The following CNGB1 variants were observed in gnomAD, a reference collection of about 807,000 sequenced individuals.
The protein encoded by CNGB1 is cyclic nucleotide-gated channel beta-1.
A neutral mutation model predicts 151.7 loss-of-function variants in CNGB1; 126 were observed. That is an observed-to-expected ratio of 0.83 (90% confidence interval 0.72 to 0.96). The LOEUF (loss-of-function observed/expected upper bound fraction) is 0.96, where lower values mean the gene tolerates loss of function less well. Ranked by LOEUF, CNGB1 falls within the 40% of genes least tolerant of loss-of-function variation. The pLI is 0.00. For missense variants in CNGB1, 1,698 were observed against 1,627.0 expected (o/e 1.04, Z -0.75); for synonymous variants, 623 against 635.1 (o/e 0.98, Z 0.29).
intron 16 of CNGB1, chr16:57,937,398 G>A (rs1334349258): frequency 6.6e-6 from 1 of 152,320 alleles, no homozygotes; most frequent in Non-Finnish European, 1.5e-5. Context: ...GACAATAGGT[G>A]GGGGTCCTCC....
chr16:57,938,945 C>T (rs1461055562), intron 16 of CNGB1, among the ~76,000 whole-genome samples: 2 of 152,196 alleles, frequency 1.3e-5, no homozygotes, highest in Non-Finnish European at 2.9e-5. Context: ...CATAAAGAGA[C>T]ATGGAGTCCA....
At chr16:57,901,763 C>T in intron 27 of CNGB1, 138 bp from the exon 28 acceptor site, 2 of 719,500 alleles carry the variant, frequency 2.8e-6, no homozygotes, top group Non-Finnish European at 2.5e-6. Context: ...ATTTGTAGTG[C>T]ACCCTCTCTC....
intron 23 of CNGB1, among the ~76,000 whole-genome samples, chr16:57,913,902 G>A (rs1401836514): frequency 6.6e-6 from 1 of 152,206 alleles, no homozygotes; most frequent in Non-Finnish European, 1.5e-5. Flanking sequence ...GCACACAGCT[G>A]GTATGTGAGA....
intron 14 of CNGB1, among the ~76,000 whole-genome samples, chr16:57,943,770 A>G (rs1298394026): frequency 6.6e-6 from 1 of 152,244 alleles, no homozygotes; most frequent in East Asian, 1.9e-4. Flanking sequence ...GGAAAAGAAT[A>G]CGGAAGTTCC....
chr16:57,919,807 A>C (rs1196392222), intron 19 of CNGB1, among the ~76,000 whole-genome samples: 1 of 152,140 alleles, frequency 6.6e-6, no homozygotes, highest in Non-Finnish European at 1.5e-5. Context: ...TATAGGTTCA[A>C]TATGGCTATG....
intron 12 of CNGB1, chr16:57,955,488 C>G (rs1396638182): frequency 2.3e-5 from 19 of 819,822 alleles, no homozygotes; most frequent in Non-Finnish European, 3.2e-5. Flanking sequence ...ATCCCCCAGC[C>G]TCTCAGAGTC....
At chr16:57,910,428 G>GACA (rs1960677098) in intron 25 of CNGB1, among the ~76,000 whole-genome samples, 1 of 152,156 alleles carries the variant, frequency 6.6e-6, no homozygotes, top group South Asian at 2.1e-4. Context: ...AGGCTGGAGT[G>GACA]TAATGGTGCA....
At chr16:57,916,094 C>G in intron 22 of CNGB1, 35 bp downstream of exon 22, 1 of 1,612,312 alleles carries the variant, frequency 6.2e-7, no homozygotes, top group Non-Finnish European at 8.5e-7. Flanking sequence ...TTCTGAAACC[C>G]CGCAGACGCT....
At chr16:57,928,647 T>A (rs385883) in intron 17 of CNGB1, among the ~76,000 whole-genome samples, 3 of 152,088 alleles carry the variant, frequency 2.0e-5, no homozygotes, top group Admixed American at 6.5e-5. Flanking sequence ...ATTATCTTTT[T>A]TTTTTCTTCA....
chr16:57,920,211 T>C (rs1567377952), intron 19 of CNGB1, among the ~76,000 whole-genome samples, 176 bp downstream of exon 19: 1 of 152,170 alleles, frequency 6.6e-6, no homozygotes, highest in Non-Finnish European at 1.5e-5. Flanking sequence ...CTTCCCACCC[T>C]TGGGTACATA....
At position 57,964,166 on chromosome 16, in the gene CNGB1, A is replaced by T. The variant is rs1290411898; in HGVS notation, c.254T>A (p.Leu85His). 6.2e-7 allele frequency: 1 copy of T among 1,613,996 alleles called. No homozygotes were observed. The highest frequency in any genetic ancestry group is 1.3e-5 in the African/African-American group (1 of 74,902). ...AGAAATCTCAGCGCCCTGGGCCCGG[A>T]GGGATATGGTGGAAGTAAGGGCAGC... is the stretch of plus-strand genomic sequence containing the variant. Reference protein sequence around the residue: ...KEAALTSTISLRAQGAEISEM... With the variant: ...KEAALTSTISHRAQGAEISEM... The change falls in exon 4 of 33, where the codon CTC (leucine) becomes CAC (histidine). Residue 85 changes from leucine (L) to histidine (H), a missense_variant. Coordinates refer to ENST00000251102, the MANE Select transcript of CNGB1 (RefSeq NM_001297.5).
At chr16:57,890,929 G>A (rs1484402280) in intron 31 of CNGB1, among the ~76,000 whole-genome samples, 1 of 152,204 alleles carries the variant, frequency 6.6e-6, no homozygotes, top group Non-Finnish European at 1.5e-5. Flanking sequence ...GTTGCTGTGA[G>A]GCCTGTTAGC....
intron 12 of CNGB1, among the ~76,000 whole-genome samples, chr16:57,952,019 C>T (rs561156205): frequency 1.3e-5 from 2 of 152,324 alleles, no homozygotes; most frequent in East Asian, 1.9e-4. Context: ...ACCCTGAATC[C>T]GGTGGTGGGA....
intron 23 of CNGB1, among the ~76,000 whole-genome samples, chr16:57,913,597 C>T (rs1439046987): frequency 1.3e-5 from 2 of 152,112 alleles, no homozygotes; most frequent in Non-Finnish European, 2.9e-5. Context: ...TTTTCAGCCT[C>T]AGCCTCCTAA....
chr16:57,926,900 A>C (rs1370506244), intron 17 of CNGB1, among the ~76,000 whole-genome samples: 3 of 152,190 alleles, frequency 2.0e-5, no homozygotes, highest in Non-Finnish European at 4.4e-5. Context: ...GAATCGCTTA[A>C]ATCAGGGAGG....
At chr16:57,920,910 G>A (rs140696716) in intron 18 of CNGB1, among the ~76,000 whole-genome samples, 226 of 152,300 alleles carry the variant, frequency 1.5e-3, no homozygotes, top group Non-Finnish European at 1.1e-3. Context: ...GTTCACATGA[G>A]ATATGTGTCC....
intron 24 of CNGB1, 38 bp from the exon 25 acceptor site, chr16:57,911,913 A>AG: frequency 6.2e-7 from 1 of 1,609,648 alleles, no homozygotes; most frequent in Non-Finnish European, 8.5e-7. Context: ...CAGCGGCGGA[A>AG]GGGGGAGGTG....
chr16:57,969,004 CA>C (rs1051753232), intron 1 of CNGB1, among the ~76,000 whole-genome samples: 3 of 148,700 alleles, frequency 2.0e-5, no homozygotes, highest in African/African-American at 7.5e-5. Flanking sequence ...GATCCTGTCT[CA>C]AAAAAAGAAA....
intron 12 of CNGB1, among the ~76,000 whole-genome samples, chr16:57,952,254 C>A (rs1961966942): frequency 6.6e-6 from 1 of 152,192 alleles, no homozygotes; most frequent in African/African-American, 2.4e-5. Context: ...GTGTCTTGTC[C>A]CAGGCCACAC....
Sources: gnomAD v4.1 joint callset for allele counts (sites outside exome capture counted in the v4.1 genomes callset) on GRCh38, gnomAD v4.1.1 for gene constraint, MANE v1.5 for transcripts, NCBI Gene and HGNC (gene_info 2026-07-23, HGNC 2026-07-21) for gene names.